The following SUMF1 variants were observed in gnomAD, a reference collection of about 807,000 sequenced individuals.
SUMF1 encodes sulfatase modifying factor 1.
Under a neutral mutation model 47.6 loss-of-function variants are expected in SUMF1, and 48 were observed. That is an observed-to-expected ratio of 1.01 (90% CI 0.80 to 1.28). The LOEUF (loss-of-function observed/expected upper bound fraction) is 1.28, where lower values mean the gene tolerates loss of function less well. Ranked by LOEUF, SUMF1 falls within the 50% of genes most tolerant of loss-of-function variation. SUMF1 has a pLI of 0.00. For missense variants in SUMF1, 571 were observed against 485.4 expected, an observed-to-expected ratio of 1.18 and a Z score of -1.66; for synonymous variants, 230 against 192.1, an observed-to-expected ratio of 1.20 and a Z score of -1.63.
intron 8 of SUMF1, among the ~76,000 whole-genome samples, chr3:4,352,794 G>T (rs1216381204): frequency 2.0e-5 from 3 of 151,636 alleles, no homozygotes; most frequent in Non-Finnish European, 4.4e-5. Flanking sequence ...TCTGTGAAGG[G>T]GCCAGGGAAG....
At chr3:4,433,061 T>C (rs1446495143) in intron 3 of SUMF1, among the ~76,000 whole-genome samples, 1 of 152,192 alleles carries the variant, frequency 6.6e-6, no homozygotes, top group Non-Finnish European at 1.5e-5. Context: ...GAAAGTTTCA[T>C]CCATTCCAAA....
intron 7 of SUMF1, among the ~76,000 whole-genome samples, chr3:4,409,237 T>C (rs1701466684): frequency 6.6e-6 from 1 of 152,180 alleles, no homozygotes; most frequent in Non-Finnish European, 1.5e-5. Flanking sequence ...TTATGGAGTA[T>C]GAATTGTCTA....
chr3:4,158,990 T>C (rs1352504036), intron 8 of SUMF1, among the ~76,000 whole-genome samples: 1 of 151,668 alleles, frequency 6.6e-6, no homozygotes, highest in Non-Finnish European at 1.5e-5. Flanking sequence ...AATGTTATTA[T>C]TGATAAGTAT....
intron 8 of SUMF1, among the ~76,000 whole-genome samples, chr3:4,303,120 A>G (rs1040338012): frequency 6.6e-6 from 1 of 152,188 alleles, no homozygotes. Context: ...TGCTCCCAGG[A>G]AAAACTAAAG....
chr3:4,421,542 C>A (rs919292132), intron 3 of SUMF1, among the ~76,000 whole-genome samples: 1 of 152,132 alleles, frequency 6.6e-6, no homozygotes, highest in Non-Finnish European at 1.5e-5. Flanking sequence ...AACAGTGGCA[C>A]GGTCATGGCT....
At chr3:4,268,530 T>G (rs1697244338) in intron 8 of SUMF1, among the ~76,000 whole-genome samples, 1 of 150,060 alleles carries the variant, frequency 6.7e-6, no homozygotes. Flanking sequence ...GATCAATGTT[T>G]AATGATAGGT....
chr3:4,107,353 T>C lies in SUMF1; in HGVS notation c.1015-38608A>G, dbSNP rs58454910. 6.6e-3 allele frequency among the ~76,000 whole-genome samples: 1,003 copies of C among 152,168 alleles called. 22 individuals are homozygous for C. The highest frequency in any genetic ancestry group is 0.023 in the African/African-American group (960 of 41,492). On this transcript the variant is annotated intron_variant and NMD_transcript_variant, in intron 8 of 12. Transcript: ENST00000448413. Reference sequence around the variant, plus strand: ...CAATAACTAATGTTTTGCAGTAGTGTGCTGTTTTATTTACTATTCACAACA... The same window carrying C: ...CAATAACTAATGTTTTGCAGTAGTGCGCTGTTTTATTTACTATTCACAACA...
At chr3:4,405,831 G>C (rs1387950367) in intron 7 of SUMF1, among the ~76,000 whole-genome samples, 6 of 152,172 alleles carry the variant, frequency 3.9e-5, no homozygotes, top group Admixed American at 3.9e-4. Context: ...CTAAAATGTG[G>C]TAAGTAGCAG....
intron 8 of SUMF1, among the ~76,000 whole-genome samples, chr3:4,111,025 A>G (rs1175048293): frequency 6.6e-6 from 1 of 151,916 alleles, no homozygotes; most frequent in Non-Finnish European, 1.5e-5. Context: ...TCATAGCAAA[A>G]AAAAAAAGGG....
At chr3:4,201,163 T>C (rs1001179042) in intron 8 of SUMF1, among the ~76,000 whole-genome samples, 3 of 152,032 alleles carry the variant, frequency 2.0e-5, no homozygotes, top group African/African-American at 7.2e-5. Flanking sequence ...ACTCCCTCAC[T>C]TATTCTAAAA....
At chr3:4,456,813 CGTGTGTGTGT>C (rs1559312634) in intron 1 of SUMF1, among the ~76,000 whole-genome samples, 9 of 112,524 alleles carry the variant, frequency 8.0e-5, no homozygotes, top group Admixed American at 2.8e-4. Context: ...TATATATATA[CGTGTGTGTGT>C]ATATATACGT....
chr3:4,132,821 A>G (rs1693823581), intron 8 of SUMF1, among the ~76,000 whole-genome samples: 1 of 152,146 alleles, frequency 6.6e-6, no homozygotes, highest in South Asian at 2.1e-4. Flanking sequence ...TCCACAACGG[A>G]GGTAAGGAAG....
intron 8 of SUMF1, among the ~76,000 whole-genome samples, chr3:4,155,234 C>T (rs1400007344): frequency 2.0e-5 from 3 of 151,336 alleles, no homozygotes; most frequent in African/African-American, 7.4e-5. Flanking sequence ...GGTTCATGTG[C>T]AGAGGAAGGA....
At chr3:4,284,936 A>G (rs1386432391) in intron 8 of SUMF1, among the ~76,000 whole-genome samples, 5 of 152,192 alleles carry the variant, frequency 3.3e-5, no homozygotes, top group Non-Finnish European at 7.3e-5. Flanking sequence ...ATATGAACTT[A>G]CTTTATGGAA....
chr3:4,325,785 T>C (rs113836075), intron 8 of SUMF1, among the ~76,000 whole-genome samples: 1,633 of 151,986 alleles, frequency 0.011, 19 homozygotes, highest in African/African-American at 0.036. Context: ...AAACATGTAG[T>C]CAAGAAAGAA....
rs1700326559 is a variant in SUMF1, at chr3:4,376,315, A to G, written c.1014+15T>C. ...CAGAACAAGAACGGCAAAACAGTTT[A>G]GTGACATGACTTACCCTATGGCACA... On this transcript the variant is annotated intron_variant, in intron 8 of 8. Transcript: ENST00000272902. 6.2e-7 allele frequency: 1 copy of G among 1,613,938 alleles called. No homozygotes were observed. Among genetic ancestry groups the G allele is most frequent in the Non-Finnish European group, 8.5e-7 (1 of 1,179,892 alleles).
intron 8 of SUMF1, among the ~76,000 whole-genome samples, chr3:4,213,004 G>C (rs141086782): frequency 6.6e-6 from 1 of 152,134 alleles, no homozygotes; most frequent in Non-Finnish European, 1.5e-5. Flanking sequence ...TATTATCCAG[G>C]AGAACTTCCC....
At chr3:4,213,694 C>A (rs537558466) in intron 8 of SUMF1, among the ~76,000 whole-genome samples, 13 of 151,970 alleles carry the variant, frequency 8.6e-5, no homozygotes, top group African/African-American at 2.9e-4. Flanking sequence ...CACATAGGCT[C>A]AAAATAAAGG....
intron 8 of SUMF1, among the ~76,000 whole-genome samples, chr3:4,233,589 T>C (rs1042644664): frequency 2.0e-5 from 3 of 152,074 alleles, no homozygotes; most frequent in Admixed American, 6.6e-5. Context: ...GACAACCAAT[T>C]TGAATTGTTT....
Sources: allele counts gnomAD v4.1 joint callset (sites outside exome capture counted in the v4.1 genomes callset), GRCh38; gene constraint gnomAD v4.1.1; transcripts MANE v1.5; gene names NCBI Gene and HGNC (gene_info 2026-07-23, HGNC 2026-07-21).